B3GALT1: variants seen among roughly 807,000 people sequenced by gnomAD.
B3GALT1 encodes UDP-Gal:betaGlcNAc beta 1,3-galactosyltransferase, polypeptide 1.
Under a neutral mutation model 23.2 loss-of-function variants are expected in B3GALT1, and 10 were observed. That is an observed-to-expected ratio of 0.43 (90% confidence interval 0.27 to 0.73). The LOEUF is 0.73. B3GALT1 is among the 30% of genes least tolerant of loss of function. The probability of loss-of-function intolerance (pLI) is 0.21; values close to 1 mark genes in which losing one functional copy is unlikely to be tolerated. For missense variants in B3GALT1, 299 were observed against 405.4 expected, an observed-to-expected ratio of 0.74 and a Z score of 2.25; for synonymous variants, 156 against 141.5, an observed-to-expected ratio of 1.10 and a Z score of -0.73.
chr2:167,801,378 CTTTAAA>C (rs1299641327), intron 3 of B3GALT1, among the ~76,000 whole-genome samples: 1 of 152,158 alleles, frequency 6.6e-6, no homozygotes, highest in Non-Finnish European at 1.5e-5. Context: ...CCAGACCATA[CTTTAAA>C]TTTAAAGATC....
At chr2:167,357,952 A>G (rs1697440785) in intron 1 of B3GALT1, among the ~76,000 whole-genome samples, 1 of 152,218 alleles carries the variant, frequency 6.6e-6, no homozygotes, top group South Asian at 2.1e-4. Context: ...GTGAATTTAC[A>G]GAGAATTTCT....
intron 1 of B3GALT1, among the ~76,000 whole-genome samples, chr2:167,384,920 T>G (rs1306102931): frequency 6.6e-6 from 1 of 151,986 alleles, no homozygotes; most frequent in East Asian, 1.9e-4. Context: ...TCTCCTTTTG[T>G]TTTTTTGAGC....
intron 3 of B3GALT1, among the ~76,000 whole-genome samples, chr2:167,667,881 C>T (rs1288228022): frequency 6.6e-6 from 1 of 152,134 alleles, no homozygotes; most frequent in Non-Finnish European, 1.5e-5. Flanking sequence ...AACTTCTTTG[C>T]CTTTGGTTTG....
intron 1 of B3GALT1, among the ~76,000 whole-genome samples, chr2:167,350,516 A>G (rs1397643249): frequency 6.6e-6 from 1 of 152,200 alleles, no homozygotes; most frequent in Non-Finnish European, 1.5e-5. Flanking sequence ...TGGATGTGTT[A>G]GAAAGCTCAC....
Position 167,419,407 on chromosome 2 carries a change from T to G in B3GALT1, c.-510-70770T>G, listed in dbSNP as rs1003667952. Among the ~76,000 whole-genome samples, 82 of 152,226 alleles carry G rather than the reference T, an allele frequency of 5.4e-4. 4 individuals are homozygous for G. Among genetic ancestry groups the G allele is most frequent in the Non-Finnish European group, 2.9e-5 (2 of 68,044 alleles). The stretch of plus-strand genomic sequence containing the variant: ...ATTATACATACTGCTGATAAACAAG[T>G]ATGTATTAGATGCCTTCTATTTGTC... On this transcript the variant is annotated intron_variant, in intron 1 of 4. Transcript: ENST00000392690.
intron 2 of B3GALT1, among the ~76,000 whole-genome samples, chr2:167,575,230 C>T (rs1243605948): frequency 3.3e-5 from 5 of 151,704 alleles, no homozygotes; most frequent in Non-Finnish European, 5.9e-5. Context: ...TGCTTTTATT[C>T]TTTTATATGA....
chr2:167,721,851 A>G (rs1687241980), intron 3 of B3GALT1, among the ~76,000 whole-genome samples: 2 of 152,202 alleles, frequency 1.3e-5, no homozygotes, highest in South Asian at 4.1e-4. Context: ...GCCAGGTAGT[A>G]AACTAGAGGT....
In B3GALT1 at chr2:167,480,428, G is replaced by A. The variant is rs76652321; in HGVS notation, c.-510-9749G>A. 2.6e-5 allele frequency among the ~76,000 whole-genome samples: 4 copies of A among 152,262 alleles called. No homozygotes were observed. The South Asian group carries it at 6.2e-4, about 24-fold the overall frequency. ...GCCATGCTCAATTTCTCCCACTGTC[G>A]TAACCTCTGCAAAGGAGGTTTCACA... On this transcript the variant is annotated intron_variant, in intron 1 of 4. Transcript: ENST00000392690.
chr2:167,485,402 T>G (rs1699612538), intron 1 of B3GALT1, among the ~76,000 whole-genome samples: 1 of 152,114 alleles, frequency 6.6e-6, no homozygotes, highest in African/African-American at 2.4e-5. Flanking sequence ...CTTAATTAGA[T>G]TAGATGGAAC....
chr2:167,397,455 A>G (rs544273314), intron 1 of B3GALT1, among the ~76,000 whole-genome samples: 1 of 152,188 alleles, frequency 6.6e-6, no homozygotes, highest in South Asian at 2.1e-4. Context: ...CTCAACTCAG[A>G]AGGCACTGTA....
chr2:167,485,279 A>T (rs112140039), intron 1 of B3GALT1, among the ~76,000 whole-genome samples: 1,703 of 152,282 alleles, frequency 0.011, 30 homozygotes, highest in African/African-American at 0.039. Flanking sequence ...AACCACCCAC[A>T]TGGCAAGTTT....
At chr2:167,793,650 A>T (rs1369088803) in intron 3 of B3GALT1, among the ~76,000 whole-genome samples, 1 of 152,204 alleles carries the variant, frequency 6.6e-6, no homozygotes, top group East Asian at 1.9e-4. Context: ...TAAATAACCC[A>T]CATGATCAAT....
chr2:167,814,192 C>CTTAT (rs1412702497), intron 3 of B3GALT1, among the ~76,000 whole-genome samples: 2 of 152,082 alleles, frequency 1.3e-5, no homozygotes, highest in Non-Finnish European at 2.9e-5. Context: ...CGTTCTAGTA[C>CTTAT]TTATTAGATA....
At chr2:167,848,634 A>G (rs1262184651) in intron 4 of B3GALT1, among the ~76,000 whole-genome samples, 2 of 152,188 alleles carry the variant, frequency 1.3e-5, no homozygotes, top group Admixed American at 6.5e-5. Flanking sequence ...CACCGCCAAC[A>G]TAATACTGAA....
chr2:167,375,581 AT>A (rs971943829), intron 1 of B3GALT1, among the ~76,000 whole-genome samples: 2 of 151,580 alleles, frequency 1.3e-5, no homozygotes, highest in Admixed American at 6.6e-5. Flanking sequence ...ATTCCTAGGT[AT>A]TTTTTTTGTG....
chr2:167,397,424 T>C (rs542449027), intron 1 of B3GALT1, among the ~76,000 whole-genome samples: 67 of 152,138 alleles, frequency 4.4e-4, no homozygotes, highest in African/African-American at 1.5e-3. Context: ...TTTGAAAAAG[T>C]GAAAGGAGAA....
At chr2:167,413,437 T>G (rs1698421466) in intron 1 of B3GALT1, among the ~76,000 whole-genome samples, 2 of 152,032 alleles carry the variant, frequency 1.3e-5, no homozygotes, top group African/African-American at 4.8e-5. Flanking sequence ...TTCTGCATGA[T>G]CTATATTTTC....
Position 167,349,830 on chromosome 2 carries a change from C to T in B3GALT1, c.-511+56496C>T, listed in dbSNP as rs868170602. The stretch of plus-strand genomic sequence containing the variant: ...TGCTGCACTTAGTATTCCATAAAGA[C>T]GTAGTGTGTATCTTCTCCCTATAGG... On this transcript the variant is annotated intron_variant, in intron 1 of 4. Coordinates refer to ENST00000392690, the MANE Select transcript of B3GALT1 (RefSeq NM_020981.4). Among the ~76,000 whole-genome samples, 8 of 152,148 alleles carry T rather than the reference C, an allele frequency of 5.3e-5. No individual in the cohort carries two copies. The South Asian group carries it at 8.3e-4, about 16-fold the overall frequency.
intron 2 of B3GALT1, among the ~76,000 whole-genome samples, chr2:167,634,849 T>C (rs1435856929): frequency 6.6e-6 from 1 of 152,150 alleles, no homozygotes. Context: ...CTAACTCATT[T>C]TATGAGGCCA....
Sources: allele counts gnomAD v4.1 joint callset (sites outside exome capture counted in the v4.1 genomes callset), GRCh38; gene constraint gnomAD v4.1.1; transcripts MANE v1.5; gene names NCBI Gene and HGNC (gene_info 2026-07-23, HGNC 2026-07-21).